ZYG11B: variants seen among roughly 807,000 people sequenced by gnomAD.
ZYG11B encodes the protein zyg-11 family member B, cell cycle regulator.
In ZYG11B, 36 loss-of-function variants were observed where a neutral mutation model predicts 82.4. The observed-to-expected ratio is 0.44, with a 90% CI of 0.33 to 0.58. The LOEUF is 0.58. ZYG11B is among the 20% of genes least tolerant of loss of function. The pLI is 0.02. For missense variants in ZYG11B, 552 were observed against 895.6 expected (o/e 0.62, Z 4.90); for synonymous variants, 303 against 312.8 (o/e 0.97, Z 0.33).
At chr1:52,805,785 C>A (rs1206569181) in intron 10 of ZYG11B, among the ~76,000 whole-genome samples, 3 of 152,024 alleles carry the variant, frequency 2.0e-5, no homozygotes, top group Admixed American at 6.6e-5. Flanking sequence ...ACCAAGATCA[C>A]GCCACTGTAC....
Position 52,798,731 on chromosome 1 carries a change from T to C in ZYG11B, c.1485+1947T>C, listed in dbSNP as rs371228327. On this transcript the variant is annotated intron_variant, in intron 8 of 13. Coordinates refer to ENST00000294353, the MANE Select transcript of ZYG11B (RefSeq NM_024646.3). The stretch of plus-strand genomic sequence containing the variant: ...TGTATGCTTTGGGGAAGCAGATACA[T>C]GATTTTGCTTGGTTACAATCAGTTG... Among the ~76,000 whole-genome samples the C allele has an allele frequency of 3.5e-4, 53 of 152,318 alleles. No homozygotes were observed. The East Asian group carries it at 8.7e-3, about 25-fold the overall frequency.
chr1:52,758,990 G>A (rs1036264588), intron 2 of ZYG11B, among the ~76,000 whole-genome samples: 4 of 152,122 alleles, frequency 2.6e-5, no homozygotes, highest in African/African-American at 9.7e-5. Flanking sequence ...GCAGTGCAGT[G>A]GTGCAATCTC....
At chr1:52,809,560 A>G (rs6664235) in intron 10 of ZYG11B, among the ~76,000 whole-genome samples, 5,650 of 152,222 alleles carry the variant, frequency 0.037, 325 homozygotes, top group African/African-American at 0.13. Context: ...CTGTATCATG[A>G]TAATTCTATT....
intron 13 of ZYG11B, among the ~76,000 whole-genome samples, chr1:52,821,180 TA>T (rs1336021976): frequency 6.6e-6 from 1 of 152,188 alleles, no homozygotes; most frequent in African/African-American, 2.4e-5. Context: ...TGATTGTTTT[TA>T]TTTTTTTAAT....
intron 1 of ZYG11B, among the ~76,000 whole-genome samples, chr1:52,752,496 C>CT (rs1357135668): frequency 6.6e-6 from 1 of 152,188 alleles, no homozygotes; most frequent in Non-Finnish European, 1.5e-5. Context: ...TTATTAACAA[C>CT]TTTGAGTCCC....
chr1:52,771,697 C>G lies in ZYG11B; in HGVS notation c.874C>G (p.Pro292Ala), dbSNP rs1484445612. 6.2e-7 allele frequency: 1 copy of G among 1,614,152 alleles called. No individual in the cohort carries two copies. Among genetic ancestry groups the G allele is most frequent in the Non-Finnish European group, 8.5e-7 (1 of 1,180,026 alleles). The change falls in exon 3 of 14, where the codon CCA becomes GCA. Residue 292 changes from proline (P) to alanine (A), a missense_variant. By Grantham distance (27) the Pro-to-Ala change is conservative (BLOSUM62 -1). Coordinates refer to ENST00000294353, the MANE Select transcript of ZYG11B (RefSeq NM_024646.3). This position sits in a 1 kb window ranked among gnomAD's most constrained non-coding sequence, Gnocchi z 5.4. ...CGTTGAAGCCTTTATACAACAACGT[C>G]CAAGCATGCAATTTGTAGGTTTGCT... Reference protein sequence around the residue: ...KAVEAFIQQRPSMQFVGLLAT... With the variant: ...KAVEAFIQQRASMQFVGLLAT...
intron 10 of ZYG11B, among the ~76,000 whole-genome samples, chr1:52,812,538 G>A (rs1200510506): frequency 6.6e-6 from 1 of 152,036 alleles, no homozygotes; most frequent in Non-Finnish European, 1.5e-5. Flanking sequence ...GAGTAGCTGG[G>A]ATTACAGGCA....
At chr1:52,790,773 C>CTTTTTTTTT in intron 6 of ZYG11B, among the ~76,000 whole-genome samples, 16 of 77,684 alleles carry the variant, frequency 2.1e-4, no homozygotes, top group East Asian at 4.6e-4. Context: ...GTCCAGTGTT[C>CTTTTTTTTT]TTTTTTTTTT....
At chr1:52,787,055 A>G (rs199947848) in intron 5 of ZYG11B, among the ~76,000 whole-genome samples, 6 of 151,122 alleles carry the variant, frequency 4.0e-5, no homozygotes, top group Non-Finnish European at 7.4e-5. Context: ...GCACCATTGA[A>G]CTCCAGCTTG....
intron 2 of ZYG11B, among the ~76,000 whole-genome samples, chr1:52,769,307 G>C (rs1351369496): frequency 1.3e-5 from 2 of 151,796 alleles, no homozygotes; most frequent in African/African-American, 4.8e-5. Context: ...TAAATTTACC[G>C]GTGGCCACAT....
chr1:52,816,357 G>A (rs978650467), intron 12 of ZYG11B, among the ~76,000 whole-genome samples, 175 bp from the exon 13 acceptor site: 8 of 152,084 alleles, frequency 5.3e-5, no homozygotes, highest in African/African-American at 1.7e-4. Flanking sequence ...AGTCATGTCT[G>A]AATGCAGTCT....
intron 3 of ZYG11B, among the ~76,000 whole-genome samples, chr1:52,776,219 TA>T (rs1165031214): frequency 4.7e-5 from 2 of 42,532 alleles, no homozygotes; most frequent in African/African-American, 7.4e-5. Flanking sequence ...AACTCTGTCT[TA>T]AAAAAAAAAA....
At chr1:52,804,635 C>T (rs562844527) in intron 10 of ZYG11B, among the ~76,000 whole-genome samples, 2 of 151,556 alleles carry the variant, frequency 1.3e-5, no homozygotes, top group African/African-American at 4.8e-5. Flanking sequence ...AAAACAAAAG[C>T]CTGCTTACAA....
intron 3 of ZYG11B, among the ~76,000 whole-genome samples, chr1:52,773,735 C>G (rs1644778515): frequency 7.2e-6 from 1 of 139,774 alleles, no homozygotes; most frequent in Non-Finnish European, 1.5e-5. Context: ...CTCTGCTTCC[C>G]AGGTTCAAGT....
intron 10 of ZYG11B, among the ~76,000 whole-genome samples, chr1:52,808,256 C>T (rs955477460): frequency 7.9e-5 from 12 of 151,898 alleles, no homozygotes; most frequent in African/African-American, 1.2e-4. Context: ...CCCAGCTACT[C>T]GGGAGGCTGA....
chr1:52,780,065 G>A, intron 4 of ZYG11B, 72 bp downstream of exon 4: 1 of 1,491,104 alleles, frequency 6.7e-7, no homozygotes, highest in Middle Eastern at 1.8e-4. Flanking sequence ...GAAGAAAATT[G>A]GTGAAAATTT....
chr1:52,787,157 A>G (rs1329297484), intron 5 of ZYG11B, among the ~76,000 whole-genome samples: 1 of 152,194 alleles, frequency 6.6e-6, no homozygotes, highest in African/African-American at 2.4e-5. Context: ...TGGAAACACC[A>G]AACACCAAAT....
At chr1:52,796,977 A>ATGT (rs1395029991) in intron 8 of ZYG11B, among the ~76,000 whole-genome samples, 193 bp downstream of exon 8, 2 of 63,754 alleles carry the variant, frequency 3.1e-5, no homozygotes, top group African/African-American at 1.6e-4. Flanking sequence ...AATATATATA[A>ATGT]ATATATATAT....
At chr1:52,797,148 TTA>T (rs1164610754) in intron 8 of ZYG11B, among the ~76,000 whole-genome samples, 1 of 77,418 alleles carries the variant, frequency 1.3e-5, no homozygotes, top group Non-Finnish European at 2.1e-5. Context: ...ATATTATATA[TTA>T]TATATTTATA....
Sources: allele counts gnomAD v4.1 joint callset (sites outside exome capture counted in the v4.1 genomes callset), GRCh38; gene constraint gnomAD v4.1.1; non-coding constraint Gnocchi (gnomAD v3.1); transcripts MANE v1.5; gene names NCBI Gene and HGNC (gene_info 2026-07-23, HGNC 2026-07-21).